BNC2: variants seen among roughly 807,000 people sequenced by gnomAD.
The protein encoded by BNC2 is basonuclin zinc finger protein 2.
A neutral mutation model predicts 76.3 loss-of-function variants in BNC2; 20 were observed. The observed-to-expected ratio is 0.26, with a 90% confidence interval of 0.18 to 0.38. The LOEUF is 0.38. BNC2 is among the 10% of genes least tolerant of loss of function. BNC2 has a pLI of 1.00. For missense variants in BNC2, 1,382 were observed against 1,399.8 expected, an observed-to-expected ratio of 0.99 and a Z score of 0.20; for synonymous variants, 582 against 514.8, an observed-to-expected ratio of 1.13 and a Z score of -1.77.
At chr9:16,696,057 G>A (rs1377845675) in intron 3 of BNC2, among the ~76,000 whole-genome samples, 4 of 151,978 alleles carry the variant, frequency 2.6e-5, no homozygotes, top group Non-Finnish European at 5.9e-5. Context: ...CCCCTCAGCT[G>A]TCCCCCACAC....
At chr9:16,517,537 G>A (rs1817476720) in intron 5 of BNC2, among the ~76,000 whole-genome samples, 1 of 152,098 alleles carries the variant, frequency 6.6e-6, no homozygotes, top group Non-Finnish European at 1.5e-5. Flanking sequence ...ATTCCTATAT[G>A]CTGTAATTTA....
intron 3 of BNC2, among the ~76,000 whole-genome samples, chr9:16,646,905 T>A (rs1294325845): frequency 1.3e-5 from 2 of 152,186 alleles, no homozygotes; most frequent in African/African-American, 4.8e-5. Context: ...GTCCCCCGCA[T>A]AAGTTACATA....
Position 16,437,045 on chromosome 9 carries a change from A to G in BNC2, c.1149T>C (p.Asn383=), listed in dbSNP as rs370853170. 2.2e-5 allele frequency: 35 copies of G among 1,613,880 alleles called. 1 individual carries two copies. Among genetic ancestry groups the G allele is most frequent in the Non-Finnish European group, 2.9e-5 (34 of 1,180,012 alleles). ...TAGTAATGCTGGTCAGGGCATTTCT[A>G]TTGGGTGTTTGATCATTCTTATAAG... The part of the protein sequence containing the change: ...PTPYKNDQTP[N]RNALTSITNV... The change falls in exon 6 of 7, where the codon AAT becomes AAC. Residue 383 remains asparagine, a synonymous_variant. Transcript: ENST00000380672.
chr9:16,592,631 T>C (rs73645998), intron 3 of BNC2, among the ~76,000 whole-genome samples: 6,941 of 152,196 alleles, frequency 0.046, 585 homozygotes, highest in African/African-American at 0.16. Flanking sequence ...TAAAATACAG[T>C]GAGTATTTTA....
rs58993744 is a variant in BNC2 at position 16,527,799 on chromosome 9, G to A, written c.669+24731C>T. ...TTCAAATCCTGAGTTATTCAAGCACGAACAACTGCCTGTCACCCAAATGCA... is the reference window on the plus strand; with the variant it reads ...TTCAAATCCTGAGTTATTCAAGCACAAACAACTGCCTGTCACCCAAATGCA... On this transcript the variant is annotated intron_variant, in intron 5 of 6. Coordinates refer to ENST00000380672, the MANE Select transcript of BNC2 (RefSeq NM_017637.6). Among the ~76,000 whole-genome samples the A allele has an allele frequency of 2.6e-3, 403 of 152,256 alleles. 2 individuals carry two copies. The highest frequency in any genetic ancestry group is 8.7e-3 in the African/African-American group (363 of 41,540).
intron 5 of BNC2, among the ~76,000 whole-genome samples, chr9:16,502,454 C>G (rs1238343557): frequency 6.6e-6 from 1 of 152,028 alleles, no homozygotes; most frequent in African/African-American, 2.4e-5. Context: ...ACTTTTAAAG[C>G]ACAACAGTTA....
chr9:16,665,238 T>C (rs1485736006), intron 3 of BNC2: 5 of 369,128 alleles, frequency 1.4e-5, no homozygotes, highest in Non-Finnish European at 2.6e-5. Context: ...GGCATGGTGG[T>C]GCATGCCTGT....
At position 16,437,121 on chromosome 9, in the gene BNC2, G is replaced by A. The variant is rs780004977; in HGVS notation, c.1073C>T (p.Ser358Leu). ...GCTCTCATTATATTCATTCTGAGTT[G>A]AAAGGCTGGGTTCCCGCAGCCTCAA... ...PGLRLREPSLSTQNEYNESSE... is the reference protein window; with the variant it reads ...PGLRLREPSLLTQNEYNESSE... Residue 358 changes from serine (S) to leucine (L), a missense_variant, in exon 6 of 7, where the codon TCA (serine) becomes TTA (leucine). Coordinates refer to ENST00000380672, the MANE Select transcript of BNC2 (RefSeq NM_017637.6). The A allele has an allele frequency of 1.9e-6, 3 of 1,614,174 alleles. No individual in the cohort carries two copies. Among genetic ancestry groups the A allele is most frequent in the Middle Eastern group, 1.6e-4 (1 of 6,062 alleles).
intron 1 of BNC2, among the ~76,000 whole-genome samples, chr9:16,762,412 A>C (rs1825578930): frequency 6.6e-6 from 1 of 152,224 alleles, no homozygotes; most frequent in Non-Finnish European, 1.5e-5. Flanking sequence ...CGAAAAAACA[A>C]AGAAAATGAA....
intron 4 of BNC2, among the ~76,000 whole-genome samples, chr9:16,577,508 G>C (rs1441077488): frequency 1.3e-5 from 2 of 151,884 alleles, no homozygotes; most frequent in Admixed American, 1.3e-4. Context: ...AGGCTACCTG[G>C]CACAATCCTT....
intron 5 of BNC2, among the ~76,000 whole-genome samples, chr9:16,444,333 TA>T (rs1279341295): frequency 2.0e-5 from 3 of 152,150 alleles, no homozygotes; most frequent in Non-Finnish European, 4.4e-5. Context: ...ATCATAAAAC[TA>T]TGGAGACTAC....
At chr9:16,726,352 C>G (rs1824318053) in intron 3 of BNC2, among the ~76,000 whole-genome samples, 1 of 152,110 alleles carries the variant, frequency 6.6e-6, no homozygotes, top group East Asian at 1.9e-4. Flanking sequence ...TATTCAAATG[C>G]ATTTATCCTA....
chr9:16,510,651 A>G (rs1485002912), intron 5 of BNC2, among the ~76,000 whole-genome samples: 2 of 152,230 alleles, frequency 1.3e-5, no homozygotes, highest in Non-Finnish European at 2.9e-5. Flanking sequence ...AGATTTTTGA[A>G]TCATTTCCTC....
At chr9:16,444,563 C>T (rs1821193662) in intron 5 of BNC2, among the ~76,000 whole-genome samples, 2 of 152,016 alleles carry the variant, frequency 1.3e-5, no homozygotes, top group South Asian at 2.1e-4. Context: ...TAGGCTCAGA[C>T]CATTATCTCA....
intron 5 of BNC2, among the ~76,000 whole-genome samples, chr9:16,513,883 G>C (rs922164536): frequency 2.6e-5 from 4 of 152,122 alleles, no homozygotes; most frequent in Non-Finnish European, 4.4e-5. Flanking sequence ...CAAATTCATG[G>C]GGTTCAAAAC....
At chr9:16,589,497 T>G (rs201133820) in intron 3 of BNC2, among the ~76,000 whole-genome samples, 1 of 148,998 alleles carries the variant, frequency 6.7e-6, no homozygotes, top group African/African-American at 2.5e-5. Flanking sequence ...AAAAGCCATT[T>G]TTTGTTTGTT....
intron 5 of BNC2, among the ~76,000 whole-genome samples, chr9:16,484,583 T>G: frequency 6.6e-6 from 1 of 152,194 alleles, no homozygotes; most frequent in Admixed American, 6.5e-5. Flanking sequence ...CCCAATAAAA[T>G]AATCATGCGT....
intron 3 of BNC2, among the ~76,000 whole-genome samples, chr9:16,692,889 G>A (rs531743717): frequency 6.6e-6 from 1 of 152,024 alleles, no homozygotes; most frequent in Non-Finnish European, 1.5e-5. Context: ...CAGCACTTTG[G>A]GGGGCCAAGG....
chr9:16,507,937 A>G (rs1822666912), intron 5 of BNC2, among the ~76,000 whole-genome samples: 1 of 152,252 alleles, frequency 6.6e-6, no homozygotes, highest in South Asian at 2.1e-4. Flanking sequence ...ACAATCGTTC[A>G]TTATTATAAT....
Sources: gnomAD v4.1 joint callset for allele counts (sites outside exome capture counted in the v4.1 genomes callset) on GRCh38, gnomAD v4.1.1 for gene constraint, MANE v1.5 for transcripts, NCBI Gene and HGNC (gene_info 2026-07-23, HGNC 2026-07-21) for gene names.